The following DNAH9 variants were observed in gnomAD, a reference collection of about 807,000 sequenced individuals.
DNAH9 encodes dynein axonemal heavy chain 9, also known as DNAH9 variant protein.
Under a neutral mutation model 471.6 loss-of-function variants are expected in DNAH9, and 345 were observed. The observed-to-expected ratio is 0.73, with a 90% CI of 0.67 to 0.80. The LOEUF (loss-of-function observed/expected upper bound fraction) is 0.80. DNAH9 is among the 30% of genes least tolerant of loss of function. The pLI is 0.00. For synonymous variants in DNAH9, 2,093 were observed against 2,123.6 expected (o/e 0.99, Z 0.40); for missense variants, 5,407 against 5,609.2 (o/e 0.96, Z 1.15).
At chr17:11,719,603 A>G (rs906044361) in intron 27 of DNAH9, 113 bp downstream of exon 27, 21 of 1,022,284 alleles carry the variant, frequency 2.1e-5, no homozygotes, top group Non-Finnish European at 2.8e-5. Context: ...CAGGTCTCGG[A>G]GCCCAGATCA....
chr17:11,834,347 A>AAAGAAG (rs1171351727), intron 48 of DNAH9, among the ~76,000 whole-genome samples: 10 of 148,918 alleles, frequency 6.7e-5, no homozygotes, highest in African/African-American at 2.2e-4. Flanking sequence ...AAAAAAAAAA[A>AAAGAAG]AAGAAGAAGA....
At chr17:11,882,715 T>G (rs1231199587) in intron 55 of DNAH9, among the ~76,000 whole-genome samples, 1 of 152,154 alleles carries the variant, frequency 6.6e-6, no homozygotes, top group Non-Finnish European at 1.5e-5. Flanking sequence ...GATAAGAATT[T>G]TTAAGAAAAT....
At chr17:11,960,206 C>T (rs367860996) in intron 67 of DNAH9, among the ~76,000 whole-genome samples, 14 of 151,990 alleles carry the variant, frequency 9.2e-5, no homozygotes, top group South Asian at 4.1e-4. Flanking sequence ...GAGGCCAAGG[C>T]GGGTGGATCA....
In DNAH9 at chr17:11,768,456, G is replaced by A. The variant is rs771999903; in HGVS notation, c.7174G>A (p.Val2392Met). ...CTGACTGTCTTTGTTTTTGCAGCTT[G>A]TGGACTACCGGGCAGAGTTCAGCAA... ...FGGAMVQDQL[V>M]DYRAEFSKWW... is the part of the protein sequence containing the mutation. The change falls in exon 37 of 69, where the codon GTG becomes ATG. Residue 2392 changes from valine to methionine, a missense_variant. Val to Met is a conservative substitution (Grantham distance 21). This residue lies in a region of DNAH9 where 4,636 missense variants were observed against 4,900.3 expected (regional missense o/e 0.95). Coordinates refer to ENST00000262442, the MANE Select transcript of DNAH9 (RefSeq NM_001372.4). 7 of 1,611,970 alleles carry A rather than the reference G, an allele frequency of 4.3e-6. No individual in the cohort carries two copies. In the Admixed American group the frequency reaches 1.0e-4, roughly 23 times the overall value.
intron 53 of DNAH9, among the ~76,000 whole-genome samples, chr17:11,876,703 T>A (rs934024064): frequency 1.4e-4 from 22 of 151,880 alleles, no homozygotes; most frequent in African/African-American, 3.9e-4. Context: ...AGTTTCAGGT[T>A]TTGTTTTTTT....
chr17:11,636,618 T>A lies in DNAH9; in HGVS notation c.1636-16T>A. 1 of 1,609,802 alleles carries A rather than the reference T, an allele frequency of 6.2e-7. No homozygotes were observed. The highest frequency in any genetic ancestry group is 1.1e-5 in the South Asian group (1 of 90,816). On this transcript the variant is annotated splice_polypyrimidine_tract_variant and intron_variant, in intron 8 of 68. Coordinates refer to ENST00000262442, the MANE Select transcript of DNAH9 (RefSeq NM_001372.4). ...TCTGTGATTTTTTTCCTCTTTTTCC[T>A]CCACCTTCCCTACAGCTGCTAGACA...
intron 22 of DNAH9, among the ~76,000 whole-genome samples, chr17:11,697,157 T>A (rs2074491888): frequency 6.6e-6 from 1 of 152,236 alleles, no homozygotes; most frequent in Non-Finnish European, 1.5e-5. Flanking sequence ...AGAATAGGCC[T>A]CATTCTTAAA....
intron 41 of DNAH9, among the ~76,000 whole-genome samples, chr17:11,789,319 C>T (rs1270944276): frequency 6.6e-6 from 1 of 151,960 alleles, no homozygotes; most frequent in African/African-American, 2.4e-5. Flanking sequence ...CTGGTGAAAC[C>T]ACCTGGAGGT....
chr17:11,621,944 G>A (rs999375351), intron 6 of DNAH9, among the ~76,000 whole-genome samples: 1 of 152,100 alleles, frequency 6.6e-6, no homozygotes, highest in Non-Finnish European at 1.5e-5. Context: ...AAATTAGCCT[G>A]GTGTGGTGAC....
intron 38 of DNAH9, among the ~76,000 whole-genome samples, chr17:11,769,922 T>C (rs575605499): frequency 2.0e-5 from 3 of 152,276 alleles, no homozygotes; most frequent in African/African-American, 7.2e-5. Flanking sequence ...TACGACACAG[T>C]CTCCTTTTTT....
At chr17:11,613,681 G>T (rs1443048389) in intron 4 of DNAH9, among the ~76,000 whole-genome samples, 2 of 152,164 alleles carry the variant, frequency 1.3e-5, no homozygotes, top group African/African-American at 4.8e-5. Flanking sequence ...TCCATTTATG[G>T]TAGTGATTTA....
chr17:11,805,826 T>C (rs1252460420), intron 43 of DNAH9, among the ~76,000 whole-genome samples: 1 of 152,124 alleles, frequency 6.6e-6, no homozygotes, highest in African/African-American at 2.4e-5. Flanking sequence ...GTGCTGGGAT[T>C]ACAGGCATGA....
chr17:11,619,117 T>C (rs2072803544), intron 5 of DNAH9, among the ~76,000 whole-genome samples: 1 of 152,252 alleles, frequency 6.6e-6, no homozygotes, highest in South Asian at 2.1e-4. Flanking sequence ...CCTGTTGTGG[T>C]GAAGGTGGCT....
intron 68 of DNAH9, among the ~76,000 whole-genome samples, chr17:11,967,481 T>C (rs537400120): frequency 6.6e-6 from 1 of 152,258 alleles, no homozygotes; most frequent in Non-Finnish European, 1.5e-5. Context: ...ATTAAAATGA[T>C]ACACTAGCGT....
intron 49 of DNAH9, among the ~76,000 whole-genome samples, chr17:11,835,738 G>T (rs1970829704): frequency 6.6e-6 from 1 of 152,272 alleles, no homozygotes; most frequent in South Asian, 2.1e-4. Flanking sequence ...CCTACAGATT[G>T]CTTTCTCTGC....
At chr17:11,923,051 C>CTT (rs61226440) in intron 61 of DNAH9, among the ~76,000 whole-genome samples, 205 of 149,826 alleles carry the variant, frequency 1.4e-3, no homozygotes, top group African/African-American at 3.6e-3. Context: ...ACAAGTGCTT[C>CTT]TTTTTTTTTT....
intron 52 of DNAH9, among the ~76,000 whole-genome samples, chr17:11,872,752 C>T (rs1972326052): frequency 2.0e-5 from 3 of 152,138 alleles, no homozygotes; most frequent in Non-Finnish European, 4.4e-5. Context: ...AACCACGTCT[C>T]TACTAAAAAT....
At chr17:11,931,970 A>G (rs1481461918) in intron 63 of DNAH9, 44 bp from the exon 64 acceptor site, 1 of 1,603,188 alleles carries the variant, frequency 6.2e-7, no homozygotes. Flanking sequence ...GCCCCGTATA[A>G]GAGAAGTTGT....
At chr17:11,710,586 T>A (rs113286637) in intron 26 of DNAH9, among the ~76,000 whole-genome samples, 2 of 152,222 alleles carry the variant, frequency 1.3e-5, no homozygotes, top group Non-Finnish European at 2.9e-5. Flanking sequence ...GCTCATAGGT[T>A]GAACATTTTT....
Sources: allele counts gnomAD v4.1 joint callset (sites outside exome capture counted in the v4.1 genomes callset), GRCh38; gene constraint gnomAD v4.1.1; regional missense constraint gnomAD v4.1.1; transcripts MANE v1.5; gene names NCBI Gene and HGNC (gene_info 2026-07-23, HGNC 2026-07-21).